Variants in NAA15 observed in about 807,000 individuals in gnomAD.
NAA15 encodes N-alpha-acetyltransferase 15, NatA auxiliary subunit.
NAA15 carries 34 observed loss-of-function variants against 114.0 expected under a neutral mutation model. The observed-to-expected ratio is 0.30, with a 90% CI of 0.23 to 0.40. The LOEUF is 0.40. Ranked by LOEUF, NAA15 falls within the 10% of genes least tolerant of loss-of-function variation. NAA15 has a pLI of 1.00. For missense variants in NAA15, 658 were observed against 1,004.5 expected, an observed-to-expected ratio of 0.66 and a Z score of 4.66; for synonymous variants, 340 against 338.0, an observed-to-expected ratio of 1.01 and a Z score of -0.06.
chr4:139,316,867 C>T (rs969388576), intron 1 of NAA15, among the ~76,000 whole-genome samples: 1 of 145,710 alleles, frequency 6.9e-6, no homozygotes, highest in Non-Finnish European at 1.5e-5. Context: ...ATAGTTCTGT[C>T]TTGTTTTAGT....
chr4:139,315,544 C>T (rs1034890693), intron 1 of NAA15, among the ~76,000 whole-genome samples: 12 of 151,724 alleles, frequency 7.9e-5, no homozygotes, highest in Non-Finnish European at 1.3e-4. Flanking sequence ...ACAACAACAA[C>T]GACTCGGCAA....
intron 10 of NAA15, 57 bp from the exon 11 acceptor site, chr4:139,357,329 G>T: frequency 6.7e-7 from 1 of 1,486,246 alleles, no homozygotes; most frequent in Non-Finnish European, 9.3e-7. Context: ...CCATTTTGGG[G>T]GGTGCTCTTA....
chr4:139,329,708 G>C (rs1188410106), intron 1 of NAA15, among the ~76,000 whole-genome samples: 1 of 152,158 alleles, frequency 6.6e-6, no homozygotes, highest in Non-Finnish European at 1.5e-5. Context: ...GTCTGGCCTT[G>C]TTATGTTTCA....
chr4:139,316,758 G>T (rs1261740729), intron 1 of NAA15, among the ~76,000 whole-genome samples: 1 of 151,574 alleles, frequency 6.6e-6, no homozygotes, highest in Non-Finnish European at 1.5e-5. Flanking sequence ...ATGGGGTTAG[G>T]GTGGCCTTCT....
chr4:139,335,738 A>G lies in NAA15; in HGVS notation c.140-1110A>G, dbSNP rs143519445. Reference sequence around the variant, plus strand: ...TAACATACCTGAATTCAGGTTGCATATAAATTGTCATAATTTCATTGAAAG... The same window carrying G: ...TAACATACCTGAATTCAGGTTGCATGTAAATTGTCATAATTTCATTGAAAG... On this transcript the variant is annotated intron_variant, in intron 2 of 19. Coordinates refer to ENST00000296543, the MANE Select transcript of NAA15 (RefSeq NM_057175.5). Among the ~76,000 whole-genome samples the G allele has an allele frequency of 3.3e-4, 50 of 151,376 alleles. No homozygotes were observed. In the East Asian group the frequency reaches 9.9e-3, roughly 30 times the overall value.
At chr4:139,329,224 T>C (rs111691931) in intron 1 of NAA15, among the ~76,000 whole-genome samples, 5 of 152,158 alleles carry the variant, frequency 3.3e-5, no homozygotes, top group African/African-American at 7.2e-5. Flanking sequence ...TTTGTTTTTT[T>C]CGAATATATT....
chr4:139,341,316 C>T (rs1324154977), intron 4 of NAA15, among the ~76,000 whole-genome samples: 1 of 151,870 alleles, frequency 6.6e-6, no homozygotes, highest in African/African-American at 2.4e-5. Context: ...TAACATCAGG[C>T]CAGGTGCGGT....
At chr4:139,335,959 A>G (rs995360386) in intron 2 of NAA15, among the ~76,000 whole-genome samples, 6 of 151,924 alleles carry the variant, frequency 3.9e-5, no homozygotes, top group Admixed American at 3.3e-4. Flanking sequence ...GGGGTTCACC[A>G]TGTTGGCCAG....
intron 17 of NAA15, 46 bp from the exon 18 acceptor site, chr4:139,384,786 T>C: frequency 8.0e-7 from 1 of 1,252,236 alleles, no homozygotes; most frequent in Non-Finnish European, 1.1e-6. Flanking sequence ...TTTGTAAACT[T>C]TATCAGAGTA....
chr4:139,325,179 T>C (rs1746755765), intron 1 of NAA15, among the ~76,000 whole-genome samples: 1 of 152,204 alleles, frequency 6.6e-6, no homozygotes. Context: ...TAATTTTGTA[T>C]GTTCACTTCT....
chr4:139,343,594 A>G (rs1747484113), intron 5 of NAA15, among the ~76,000 whole-genome samples: 1 of 152,206 alleles, frequency 6.6e-6, no homozygotes, highest in Non-Finnish European at 1.5e-5. Flanking sequence ...ATGGTTCCTC[A>G]TTCTTAGATA....
At position 139,343,048 on chromosome 4, in the gene NAA15, A is replaced by G. The variant is rs1311121761; in HGVS notation, c.537+88A>G. 3.3e-6 allele frequency: 4 copies of G among 1,211,864 alleles called. No homozygotes were observed. In the African/African-American group the frequency reaches 4.6e-5, roughly 14 times the overall value. The allele number at this position is 1,211,864 out of a possible 1,614,324, so 75.1% of individuals were successfully genotyped here. On this transcript the variant is annotated intron_variant, in intron 5 of 19. Coordinates refer to ENST00000296543, the MANE Select transcript of NAA15 (RefSeq NM_057175.5). ...TAGTCTGGCTTACTTTTAATTTTGA[A>G]ATAGTTTCAAACTTATAGAAAAGTT... is the stretch of plus-strand genomic sequence containing the variant.
intron 1 of NAA15, among the ~76,000 whole-genome samples, chr4:139,330,614 G>A (rs551581608): frequency 6.6e-6 from 1 of 152,168 alleles, no homozygotes. Flanking sequence ...GAGTTGAAGA[G>A]GGGGAATCAA....
At chr4:139,373,038 C>A (rs879348586) in intron 15 of NAA15, among the ~76,000 whole-genome samples, 1 of 152,140 alleles carries the variant, frequency 6.6e-6, no homozygotes, top group Non-Finnish European at 1.5e-5. Flanking sequence ...GGGTGCCCAC[C>A]ACCACGCCTG....
At position 139,306,416 on chromosome 4, in the gene NAA15, G is replaced by A. The variant is rs183993783; in HGVS notation, c.54+4585G>A. Among the ~76,000 whole-genome samples the A allele has an allele frequency of 4.1e-3, 627 of 151,406 alleles. 4 individuals carry two copies. The highest frequency in any genetic ancestry group is 0.014 in the African/African-American group (577 of 41,204). ...GCTAATTTTTTTTTTTGTATTTTTA[G>A]TAGAGATGGTGTTTCACCATGTTGG... On this transcript the variant is annotated intron_variant, in intron 1 of 19. Coordinates refer to ENST00000296543, the MANE Select transcript of NAA15 (RefSeq NM_057175.5).
chr4:139,387,820 TAATA>T, intron 19 of NAA15, 60 bp from the exon 20 acceptor site: 2 of 1,260,476 alleles, frequency 1.6e-6, no homozygotes, highest in South Asian at 2.6e-5. Context: ...TTGAAATGTC[TAATA>T]AATTCCCAGT....
chr4:139,358,868 G>C (rs529792054), intron 11 of NAA15, among the ~76,000 whole-genome samples: 17 of 152,176 alleles, frequency 1.1e-4, no homozygotes, highest in African/African-American at 3.6e-4. Flanking sequence ...TGTAATCCCA[G>C]CACTTTTGGA....
At chr4:139,330,763 A>C (rs1010250236) in intron 1 of NAA15, among the ~76,000 whole-genome samples, 1 of 152,184 alleles carries the variant, frequency 6.6e-6, no homozygotes, top group Non-Finnish European at 1.5e-5. Context: ...GGAGCCTGTG[A>C]TTGAGACACT....
At chr4:139,333,497 C>T (rs1747097987) in intron 1 of NAA15, among the ~76,000 whole-genome samples, 2 of 151,058 alleles carry the variant, frequency 1.3e-5, no homozygotes, top group Non-Finnish European at 2.9e-5. Flanking sequence ...GTATTTTTTC[C>T]GTGTATTTTG....
Sources: allele counts gnomAD v4.1 joint callset (sites outside exome capture counted in the v4.1 genomes callset), GRCh38; gene constraint gnomAD v4.1.1; transcripts MANE v1.5; gene names NCBI Gene and HGNC (gene_info 2026-07-23, HGNC 2026-07-21).